Variants in LHX5 observed in about 807,000 individuals in gnomAD.
LHX5 encodes LIM/homeobox protein Lhx5.
LHX5 carries 5 observed loss-of-function variants against 30.6 expected under a neutral mutation model. That is an observed-to-expected ratio of 0.16 (90% CI 0.09 to 0.34). The LOEUF is 0.34. Ranked by LOEUF, LHX5 falls within the 10% of genes least tolerant of loss-of-function variation. The probability of loss-of-function intolerance (pLI) is 1.00; values close to 1 mark genes in which losing one functional copy is unlikely to be tolerated. For missense variants in LHX5, 458 were observed against 570.6 expected (o/e 0.80, Z 2.01); for synonymous variants, 266 against 252.6 (o/e 1.05, Z -0.50).
rs1958224651 is a variant in LHX5, at chr12:113,467,874, A to G, written c.675+253T>C. Among the ~76,000 whole-genome samples the G allele has an allele frequency of 6.6e-6, 1 of 152,262 alleles. No homozygotes were observed. Among genetic ancestry groups the G allele is most frequent in the Non-Finnish European group, 1.5e-5 (1 of 68,038 alleles). ...AGAGGCTTACAACCTTCCATAAGCAAGGCGGGGGGCGGAATTCAGAGAGGT... is the reference window on the plus strand; with the variant it reads ...AGAGGCTTACAACCTTCCATAAGCAGGGCGGGGGGCGGAATTCAGAGAGGT... On this transcript the variant is annotated intron_variant, in intron 3 of 4. Transcript: ENST00000261731. This position sits in a 1 kb window ranked among gnomAD's most constrained non-coding sequence, Gnocchi z 6.3.
At position 113,465,974 on chromosome 12, in the gene LHX5, G is replaced by A. The variant is rs948366259; in HGVS notation, c.841+1282C>T. ...TCTCTGCCCTGAAAAGCACAGCCTG[G>A]CATTTTGCCCACAATTTCTAGGGGC... On this transcript the variant is annotated intron_variant, in intron 4 of 4. Coordinates refer to ENST00000261731, the MANE Select transcript of LHX5 (RefSeq NM_022363.3). The surrounding 1 kb of genome is among the most constrained non-coding windows in gnomAD (Gnocchi z 6.7). 3.3e-5 allele frequency among the ~76,000 whole-genome samples: 5 copies of A among 152,112 alleles called. No individual in the cohort carries two copies. Among genetic ancestry groups the A allele is most frequent in the Admixed American group, 6.5e-5 (1 of 15,278 alleles).
In LHX5 at chr12:113,471,579, C is replaced by G; in HGVS notation, c.-81G>C. On this transcript the variant is annotated 5_prime_UTR_variant, in exon 1 of 5. Transcript: ENST00000261731. ...TCGGGCCTGCCGGGCCCTCCGCTGCCCTTCGCCTCTTGTCTCAGCAGCTGC... is the reference window on the plus strand; with the variant it reads ...TCGGGCCTGCCGGGCCCTCCGCTGCGCTTCGCCTCTTGTCTCAGCAGCTGC... 1 of 1,349,934 alleles carries G rather than the reference C, an allele frequency of 7.4e-7. No homozygotes were observed. Among genetic ancestry groups the G allele is most frequent in the Non-Finnish European group, 1.0e-6 (1 of 991,544 alleles). 83.6% of individuals were successfully genotyped at this position (1,349,934 alleles called of 1,614,324 possible). A position where few individuals can be genotyped will look rare whatever the true frequency, so the allele number is the denominator to read the frequency against.
rs1958207553 is a variant in LHX5 at position 113,465,432 on chromosome 12, C to A, written c.841+1824G>T. Among the ~76,000 whole-genome samples, 1 of 152,234 alleles carries A rather than the reference C, an allele frequency of 6.6e-6. No individual in the cohort carries two copies. The highest frequency in any genetic ancestry group is 2.1e-4 in the South Asian group (1 of 4,838). On this transcript the variant is annotated intron_variant, in intron 4 of 4. Coordinates refer to ENST00000261731, the MANE Select transcript of LHX5 (RefSeq NM_022363.3). The surrounding 1 kb of genome is among the most constrained non-coding windows in gnomAD (Gnocchi z 6.7). ...TCTGAAAAGGGCACAAAAGCCGCAG[C>A]TGGGGCTTTGTCCGCGCTCCCACGG... is the stretch of plus-strand genomic sequence containing the variant.
chr12:113,471,679 C>G lies in LHX5; in HGVS notation c.-181G>C, dbSNP rs985998597. 3.5e-6 allele frequency: 2 copies of G among 570,322 alleles called. No homozygotes were observed. The highest frequency in any genetic ancestry group is 2.0e-5 in the African/African-American group (1 of 50,526). 35.3% of individuals were successfully genotyped at this position (570,322 alleles called of 1,614,324 possible). On this transcript the variant is annotated 5_prime_UTR_variant, in exon 1 of 5. Transcript: ENST00000261731. Reference sequence around the variant, plus strand: ...ATCTCTGGCCTGGCGCTGGGCTGCCCGGAGTGGGGTGGTGGGGGGCGGGTG... The same window carrying G: ...ATCTCTGGCCTGGCGCTGGGCTGCCGGGAGTGGGGTGGTGGGGGGCGGGTG...
Position 113,462,824 on chromosome 12 carries a change from C to T in LHX5, c.*366G>A, listed in dbSNP as rs896197255. The T allele has an allele frequency of 1.7e-5, 3 of 177,862 alleles. No homozygotes were observed. Among genetic ancestry groups the T allele is most frequent in the African/African-American group, 2.5e-5 (1 of 40,802 alleles). 11.0% of individuals were successfully genotyped at this position (177,862 alleles called of 1,614,324 possible). On this transcript the variant is annotated 3_prime_UTR_variant, in exon 5 of 5. Transcript: ENST00000261731. ...CACCGTCTCCGCCCCTTGGCCTCACCCTCTCTCAGTCCAAAGAGGTGGCGG... is the reference window on the plus strand; with the variant it reads ...CACCGTCTCCGCCCCTTGGCCTCACTCTCTCTCAGTCCAAAGAGGTGGCGG...
At chr12:113,469,636 C>G (rs1406185082) in intron 1 of LHX5, among the ~76,000 whole-genome samples, 35 of 152,190 alleles carry the variant, frequency 2.3e-4, no homozygotes, top group Non-Finnish European at 8.8e-5. Flanking sequence ...CCAGAGCACC[C>G]CAAGATGTCC....
Position 113,463,153 on chromosome 12 carries a change from C to T in LHX5, c.*37G>A, listed in dbSNP as rs1204960761. The T allele has an allele frequency of 6.9e-6, 10 of 1,450,808 alleles. No individual in the cohort carries two copies. The highest frequency in any genetic ancestry group is 9.0e-6 in the Non-Finnish European group (10 of 1,111,116). The allele number at this position is 1,450,808 out of a possible 1,614,324, so 89.9% of individuals were successfully genotyped here. A position where few individuals can be genotyped will look rare whatever the true frequency, so the allele number is the denominator to read the frequency against. On this transcript the variant is annotated 3_prime_UTR_variant, in exon 5 of 5. Transcript: ENST00000261731. This position sits in a 1 kb window ranked among gnomAD's most constrained non-coding sequence, Gnocchi z 6.7. The stretch of plus-strand genomic sequence containing the variant: ...TTCAGGAGGCTGCTTCGGGGCGGGG[C>T]CCCCGGGGGCCGAGCGCGGGGGGCG...
Position 113,462,949 on chromosome 12 carries a change from G to A in LHX5, c.*241C>T, listed in dbSNP as rs1264418408. 3 of 443,896 alleles carry A rather than the reference G, an allele frequency of 6.8e-6. No individual in the cohort carries two copies. Among genetic ancestry groups the A allele is most frequent in the Admixed American group, 4.3e-5 (1 of 23,146 alleles). The allele number at this position is 443,896 out of a possible 1,614,324, so 27.5% of individuals were successfully genotyped here. On this transcript the variant is annotated 3_prime_UTR_variant, in exon 5 of 5. Coordinates refer to ENST00000261731, the MANE Select transcript of LHX5 (RefSeq NM_022363.3). Reference sequence around the variant, plus strand: ...ACTTTGGTCCCAAGAAATTGCTCGCGGTTGCTGGGAGAGTACTGGCGGTGG... The same window carrying A: ...ACTTTGGTCCCAAGAAATTGCTCGCAGTTGCTGGGAGAGTACTGGCGGTGG...
At position 113,468,256 on chromosome 12, in the gene LHX5, G is replaced by T. The variant is rs1016444795; in HGVS notation, c.546C>A (p.Gly182=). The T allele has an allele frequency of 1.2e-6, 2 of 1,614,104 alleles. No homozygotes were observed. The highest frequency in any genetic ancestry group is 1.7e-6 in the Non-Finnish European group (2 of 1,179,952). ...EEQNSGTKRR[G]PRTTIKAKQL... ...GCTTGGCCTTGATGGTGGTGCGGGG[G>T]CCGCGCCGCTTGGTGCCCGAGTTCT... The change falls in exon 3 of 5, where the codon GGC becomes GGA. Residue 182 remains glycine (G), a synonymous_variant. Transcript: ENST00000261731.
rs1246276893 is a variant in LHX5, at chr12:113,465,130, C to A, written c.842-1573G>T. Among the ~76,000 whole-genome samples, 1 of 152,206 alleles carries A rather than the reference C, an allele frequency of 6.6e-6. No individual in the cohort carries two copies. ...CTCTTCCCTCTCCAAACCCTGAAATCTGTCCAAATGGGGGGTGTCTGGAGG... is the reference window on the plus strand; with the variant it reads ...CTCTTCCCTCTCCAAACCCTGAAATATGTCCAAATGGGGGGTGTCTGGAGG... On this transcript the variant is annotated intron_variant, in intron 4 of 4. Coordinates refer to ENST00000261731, the MANE Select transcript of LHX5 (RefSeq NM_022363.3). This position sits in a 1 kb window ranked among gnomAD's most constrained non-coding sequence, Gnocchi z 6.7.
chr12:113,469,063 G>T, intron 2 of LHX5, 59 bp downstream of exon 2: 1 of 1,330,044 alleles, frequency 7.5e-7, no homozygotes. Context: ...GGAGTGCCAG[G>T]CTGGGCACGG....
chr12:113,463,827 C>T lies in LHX5; in HGVS notation c.842-270G>A, dbSNP rs2136975874. 6.6e-6 allele frequency among the ~76,000 whole-genome samples: 1 copy of T among 152,212 alleles called. No individual in the cohort carries two copies. The highest frequency in any genetic ancestry group is 2.1e-4 in the South Asian group (1 of 4,804). ...ACCACACACAGAGACGGGAGAGACTCCGAGACCGTGGGGGACACACGCGGC... is the reference window on the plus strand; with the variant it reads ...ACCACACACAGAGACGGGAGAGACTTCGAGACCGTGGGGGACACACGCGGC... On this transcript the variant is annotated intron_variant, in intron 4 of 4. Coordinates refer to ENST00000261731, the MANE Select transcript of LHX5 (RefSeq NM_022363.3). This position sits in a 1 kb window ranked among gnomAD's most constrained non-coding sequence, Gnocchi z 6.7.
chr12:113,466,687 T>G lies in LHX5; in HGVS notation c.841+569A>C, dbSNP rs1958217078. Reference sequence around the variant, plus strand: ...ATGGAACAGGAGTTGCTGCCTTCGATGCTAGTGAGCAGGCGGCTTGGAATG... The same window carrying G: ...ATGGAACAGGAGTTGCTGCCTTCGAGGCTAGTGAGCAGGCGGCTTGGAATG... On this transcript the variant is annotated intron_variant, in intron 4 of 4. Transcript: ENST00000261731. This position sits in a 1 kb window ranked among gnomAD's most constrained non-coding sequence, Gnocchi z 6.5. 1.3e-5 allele frequency among the ~76,000 whole-genome samples: 2 copies of G among 152,218 alleles called. No homozygotes were observed. Among genetic ancestry groups the G allele is most frequent in the Admixed American group, 1.3e-4 (2 of 15,288 alleles).
intron 1 of LHX5, 38 bp downstream of exon 1, chr12:113,471,288 G>T (rs374454784): frequency 3.1e-6 from 5 of 1,604,090 alleles, no homozygotes; most frequent in South Asian, 1.1e-5. Context: ...GCGCGCGCAG[G>T]GTGGGCGCGC....
Position 113,468,000 on chromosome 12 carries a change from C to A in LHX5, c.675+127G>T. On this transcript the variant is annotated intron_variant, in intron 3 of 4. Coordinates refer to ENST00000261731, the MANE Select transcript of LHX5 (RefSeq NM_022363.3). The surrounding 1 kb of genome is among the most constrained non-coding windows in gnomAD (Gnocchi z 6.3). ...ACCTCGGGCAAGTGCCCCACTCGGG[C>A]GCACGGTCTGCTCCCAGACCAGAAC... The A allele has an allele frequency of 7.7e-7, 1 of 1,306,726 alleles. No individual in the cohort carries two copies. 80.9% of individuals were successfully genotyped at this position (1,306,726 alleles called of 1,614,324 possible). A position where few individuals can be genotyped will look rare whatever the true frequency, so the allele number is the denominator to read the frequency against.
chr12:113,468,079 G>C (rs549181840), intron 3 of LHX5, 48 bp downstream of exon 3: 1 of 1,464,458 alleles, frequency 6.8e-7, no homozygotes, highest in South Asian at 1.4e-5. Context: ...GAGGCTCCCG[G>C]CTCCCAGGCC....
chr12:113,463,562 G>A lies in LHX5; in HGVS notation c.842-5C>T, dbSNP rs771967402. The A allele has an allele frequency of 5.2e-6, 8 of 1,524,236 alleles. No individual in the cohort carries two copies. The highest frequency in any genetic ancestry group is 7.0e-6 in the Non-Finnish European group (8 of 1,142,968). The allele number at this position is 1,524,236 out of a possible 1,614,324, so 94.4% of individuals were successfully genotyped here. On this transcript the variant is annotated splice_region_variant and splice_polypyrimidine_tract_variant and intron_variant, in intron 4 of 4. Transcript: ENST00000261731. This position sits in a 1 kb window ranked among gnomAD's most constrained non-coding sequence, Gnocchi z 6.7. ...CGTAGTAGTCGCCTTGGTAGTCTGCGGAGGGGGAGCGGGAAGGAGACAGGG... is the reference window on the plus strand; with the variant it reads ...CGTAGTAGTCGCCTTGGTAGTCTGCAGAGGGGGAGCGGGAAGGAGACAGGG...
intron 3 of LHX5, 86 bp downstream of exon 3, chr12:113,468,041 C>A: frequency 6.9e-7 from 1 of 1,439,290 alleles, no homozygotes; most frequent in East Asian, 2.5e-5. Flanking sequence ...GCGCTCGTAG[C>A]CAAGGAAGCT....
In LHX5 at chr12:113,467,438, G is replaced by A. The variant is rs1337407160; in HGVS notation, c.676-17C>T. 2 of 1,502,720 alleles carry A rather than the reference G, an allele frequency of 1.3e-6. No individual in the cohort carries two copies. Among genetic ancestry groups the A allele is most frequent in the African/African-American group, 1.4e-5 (1 of 71,548 alleles). 93.1% of individuals were successfully genotyped at this position (1,502,720 alleles called of 1,614,324 possible). A position where few individuals can be genotyped will look rare whatever the true frequency, so the allele number is the denominator to read the frequency against. On this transcript the variant is annotated splice_polypyrimidine_tract_variant and intron_variant, in intron 3 of 4. Coordinates refer to ENST00000261731, the MANE Select transcript of LHX5 (RefSeq NM_022363.3). This position sits in a 1 kb window ranked among gnomAD's most constrained non-coding sequence, Gnocchi z 6.3. ...AAACCACACCTGGGACAGAGGAGGG[G>A]GCTGTGAACCCAGGATCAGGAGTGT...
Sources: allele counts gnomAD v4.1 joint callset (sites outside exome capture counted in the v4.1 genomes callset), GRCh38; gene constraint gnomAD v4.1.1; non-coding constraint Gnocchi (gnomAD v3.1); transcripts MANE v1.5; gene names NCBI Gene and HGNC (gene_info 2026-07-23, HGNC 2026-07-21).